PIGP: variants seen among roughly 807,000 people sequenced by gnomAD.
The protein encoded by PIGP is phosphatidylinositol glycan anchor biosynthesis class P.
A neutral mutation model predicts 16.9 loss-of-function variants in PIGP; 12 were observed. The observed-to-expected ratio is 0.71, with a 90% CI of 0.46 to 1.15. PIGP has a LOEUF of 1.15. Among genes scored for constraint, PIGP ranks in the 50% most tolerant of loss-of-function variants. The pLI is 0.00. For missense variants in PIGP, 159 were observed against 153.5 expected, an observed-to-expected ratio of 1.04 and a Z score of -0.19; for synonymous variants, 57 against 54.7, an observed-to-expected ratio of 1.04 and a Z score of -0.18.
intron 4 of PIGP, among the ~76,000 whole-genome samples, chr21:37,066,222 T>G (rs2069901070): frequency 6.6e-6 from 1 of 152,240 alleles, no homozygotes; most frequent in Non-Finnish European, 1.5e-5. Context: ...AAGTCTCATT[T>G]GCACATTTCT....
chr21:37,072,111 C>A (rs1192051833), intron 2 of PIGP: 1 of 887,392 alleles, frequency 1.1e-6, no homozygotes, highest in East Asian at 2.4e-5. Flanking sequence ...TGCTCCCTGA[C>A]ACTCATCACA....
intron 4 of PIGP, among the ~76,000 whole-genome samples, 166 bp from the exon 5 acceptor site, chr21:37,065,878 T>A (rs1342417289): frequency 6.6e-6 from 1 of 152,084 alleles, no homozygotes; most frequent in Admixed American, 6.6e-5. Context: ...TTAGAAGAAA[T>A]GTCCCAATTA....
intron 4 of PIGP, among the ~76,000 whole-genome samples, chr21:37,066,075 T>TC (rs1380048957): frequency 6.6e-6 from 1 of 150,882 alleles, no homozygotes; most frequent in African/African-American, 2.4e-5. Flanking sequence ...AGAGCGAGAC[T>TC]CCATCTCAAA....
rs997006446 is a variant in PIGP at position 37,068,741 on chromosome 21, CCTTT to C, written c.155+807_155+810del. ...CCTCTAAATGTCAGAAATTATAGATCCTTTCTCTCGGGCTGGTCAGCTTCCTCAG... is the reference window on the plus strand; with the variant it reads ...CCTCTAAATGTCAGAAATTATAGATCCTCTCGGGCTGGTCAGCTTCCTCAG... On this transcript the variant is annotated intron_variant, in intron 3 of 4. Transcript: ENST00000360525. Among the ~76,000 whole-genome samples, 22 of 152,274 alleles carry C rather than the reference CCTTT, an allele frequency of 1.4e-4. No homozygotes were observed. In the South Asian group the frequency reaches 3.3e-3, roughly 23 times the overall value.
intron 3 of PIGP, among the ~76,000 whole-genome samples, 185 bp from the exon 4 acceptor site, chr21:37,067,565 C>T (rs1386635757): frequency 2.0e-5 from 3 of 152,206 alleles, no homozygotes; most frequent in Non-Finnish European, 4.4e-5. Context: ...ACCATCCCAA[C>T]CCTGGGGTCT....
intron 3 of PIGP, among the ~76,000 whole-genome samples, chr21:37,068,488 T>C (rs1839707640): frequency 6.6e-6 from 1 of 151,806 alleles, no homozygotes; most frequent in Admixed American, 6.6e-5. Context: ...GTTATTTAAA[T>C]TTTTTTTTCT....
At chr21:37,067,741 C>T (rs561316525) in intron 3 of PIGP, among the ~76,000 whole-genome samples, 1 of 152,328 alleles carries the variant, frequency 6.6e-6, no homozygotes, top group Non-Finnish European at 1.5e-5. Flanking sequence ...CTCCTATCCT[C>T]TTCTATACTT....
chr21:37,070,794 C>T (rs933811292), intron 2 of PIGP, among the ~76,000 whole-genome samples: 4 of 152,148 alleles, frequency 2.6e-5, no homozygotes, highest in Admixed American at 2.0e-4. Flanking sequence ...GAGACAGTTT[C>T]GCTCGTTGCC....
intron 4 of PIGP, 26 bp from the exon 5 acceptor site, chr21:37,065,738 G>C: frequency 6.2e-7 from 1 of 1,606,766 alleles, no homozygotes; most frequent in South Asian, 1.1e-5. Context: ...AAAAAGCTCT[G>C]TTTACCTAAG....
chr21:37,066,560 T>A lies in PIGP; in HGVS notation c.274+702A>T, dbSNP rs939592507. On this transcript the variant is annotated intron_variant, in intron 4 of 4. Coordinates refer to ENST00000360525, the MANE Select transcript of PIGP (RefSeq NM_153682.3). ...TCAGGAGTCTGATTTATTTTCATCTTTAGACTTGAAAGAACTTTAAAAAAA... is the reference window on the plus strand; with the variant it reads ...TCAGGAGTCTGATTTATTTTCATCTATAGACTTGAAAGAACTTTAAAAAAA... Among the ~76,000 whole-genome samples, 18 of 152,354 alleles carry A rather than the reference T, an allele frequency of 1.2e-4. No homozygotes were observed. In the East Asian group the frequency reaches 3.3e-3, roughly 28 times the overall value.
At chr21:37,072,326 A>T in intron 2 of PIGP, 108 bp downstream of exon 2, 1 of 1,596,728 alleles carries the variant, frequency 6.3e-7, no homozygotes, top group African/African-American at 1.3e-5. Flanking sequence ...AAAGAGACAT[A>T]GGGAGAAAGA....
rs149800633 is a variant in PIGP, at chr21:37,070,047, T to C, written c.83-423A>G. On this transcript the variant is annotated intron_variant, in intron 2 of 4. Transcript: ENST00000360525. Reference sequence around the variant, plus strand: ...TCCACCACATACTGAGCTTCTGCCCTATCTCCCAGAGTACAATGTTATTTC... The same window carrying C: ...TCCACCACATACTGAGCTTCTGCCCCATCTCCCAGAGTACAATGTTATTTC... Among the ~76,000 whole-genome samples, 20 of 152,302 alleles carry C rather than the reference T, an allele frequency of 1.3e-4. No individual in the cohort carries two copies. In the East Asian group the frequency reaches 3.9e-3, roughly 29 times the overall value.
chr21:37,070,838 C>A (rs1024458673), intron 2 of PIGP, among the ~76,000 whole-genome samples: 1 of 152,240 alleles, frequency 6.6e-6, no homozygotes, highest in African/African-American at 2.4e-5. Flanking sequence ...TCTCAGCTCA[C>A]GGCAACCTCC....
rs2070118654 is a variant in PIGP, at chr21:37,072,321, GAC to G, written c.82+111_82+112del. On this transcript the variant is annotated intron_variant, in intron 2 of 4. Transcript: ENST00000360525. ...ATCCCTTCAGATTTTCTTAAAAAGA[GAC>G]ATAGGGAGAAAGAATCAACAGTTCA... 11 of 1,597,016 alleles carry G rather than the reference GAC, an allele frequency of 6.9e-6. No homozygotes were observed. In the South Asian group the frequency reaches 1.1e-4, roughly 16 times the overall value.
At chr21:37,068,699 G>A (rs1017363744) in intron 3 of PIGP, among the ~76,000 whole-genome samples, 7 of 152,090 alleles carry the variant, frequency 4.6e-5, no homozygotes, top group Non-Finnish European at 1.0e-4. Flanking sequence ...TGAGAGACTT[G>A]GCCACTTCAC....
At chr21:37,070,444 G>A (rs2069984901) in intron 2 of PIGP, among the ~76,000 whole-genome samples, 1 of 152,134 alleles carries the variant, frequency 6.6e-6, no homozygotes, top group Admixed American at 6.5e-5. Context: ...GTGGTGAATA[G>A]AGAAAATTGG....
chr21:37,070,491 G>A (rs574803692), intron 2 of PIGP, among the ~76,000 whole-genome samples: 4 of 152,174 alleles, frequency 2.6e-5, no homozygotes, highest in Admixed American at 6.5e-5. Context: ...TCACGAATGA[G>A]TAATAAAAGA....
At chr21:37,070,159 C>T (rs1190040713) in intron 2 of PIGP, among the ~76,000 whole-genome samples, 2 of 152,204 alleles carry the variant, frequency 1.3e-5, no homozygotes, top group African/African-American at 4.8e-5. Flanking sequence ...GGGTTAAGCA[C>T]AGTTCCAAGC....
chr21:37,071,267 G>A (rs1682624590), intron 2 of PIGP, among the ~76,000 whole-genome samples: 1 of 152,238 alleles, frequency 6.6e-6, no homozygotes, highest in Non-Finnish European at 1.5e-5. Context: ...AGGCAGCAGA[G>A]TGAAGTCAGC....
Sources: allele counts gnomAD v4.1 joint callset (sites outside exome capture counted in the v4.1 genomes callset), GRCh38; gene constraint gnomAD v4.1.1; transcripts MANE v1.5; gene names NCBI Gene and HGNC (gene_info 2026-07-23, HGNC 2026-07-21).